The following NLGN1 variants were observed in gnomAD, a reference collection of about 807,000 sequenced individuals.
NLGN1 encodes the protein neuroligin-1.
Under a neutral mutation model 65.5 loss-of-function variants are expected in NLGN1, and 12 were observed. The ratio of observed to expected loss-of-function variants is 0.18; its 90% confidence interval spans 0.12 to 0.30. The LOEUF (loss-of-function observed/expected upper bound fraction) is 0.30. Among genes scored for constraint, NLGN1 ranks in the 10% least tolerant of loss-of-function variants. NLGN1 has a pLI of 1.00. For missense variants in NLGN1, 750 were observed against 1,007.1 expected (o/e 0.74, Z 3.46); for synonymous variants, 350 against 359.5 (o/e 0.97, Z 0.30).
In NLGN1 at chr3:174,046,408, C is replaced by G. The variant is rs573180810; in HGVS notation, c.647-228907C>G. On this transcript the variant is annotated intron_variant, in intron 4 of 6. Transcript: ENST00000457714. ...TTTACTGTATTATTTTGTTTGTTCACTTTTGCCTCTTGTAGCTCTACATTA... is the reference window on the plus strand; with the variant it reads ...TTTACTGTATTATTTTGTTTGTTCAGTTTTGCCTCTTGTAGCTCTACATTA... 8.6e-5 allele frequency among the ~76,000 whole-genome samples: 13 copies of G among 151,402 alleles called. No homozygotes were observed. The South Asian group carries it at 1.2e-3, about 15-fold the overall frequency.
At chr3:174,135,900 A>C (rs558017825) in intron 4 of NLGN1, among the ~76,000 whole-genome samples, 5 of 152,280 alleles carry the variant, frequency 3.3e-5, no homozygotes, top group Non-Finnish European at 7.4e-5. Flanking sequence ...AATGGGAACT[A>C]TTATTACTGT....
intron 3 of NLGN1, among the ~76,000 whole-genome samples, chr3:173,692,893 G>T (rs1765676638): frequency 6.6e-6 from 1 of 152,008 alleles, no homozygotes; most frequent in South Asian, 2.1e-4. Context: ...CCCATTAACA[G>T]GTACTATATA....
chr3:173,400,250 ATATTAT>A (rs1036765731), intron 1 of NLGN1, among the ~76,000 whole-genome samples: 5 of 152,032 alleles, frequency 3.3e-5, no homozygotes, highest in African/African-American at 9.7e-5. Flanking sequence ...TCTAGACTTA[ATATTAT>A]TATTATTATT....
At chr3:173,598,301 T>C (rs901666192) in intron 2 of NLGN1, among the ~76,000 whole-genome samples, 1 of 152,298 alleles carries the variant, frequency 6.6e-6, no homozygotes, top group Non-Finnish European at 1.5e-5. Flanking sequence ...AAGTGCTATA[T>C]GCATCAATAG....
At chr3:173,527,294 C>T (rs1356148177) in intron 2 of NLGN1, among the ~76,000 whole-genome samples, 1 of 152,182 alleles carries the variant, frequency 6.6e-6, no homozygotes, top group Admixed American at 6.5e-5. Context: ...TTTTGATTTG[C>T]ATTTCTCTGA....
intron 2 of NLGN1, among the ~76,000 whole-genome samples, chr3:173,525,356 G>A (rs1735471066): frequency 6.6e-6 from 1 of 151,900 alleles, no homozygotes; most frequent in African/African-American, 2.4e-5. Flanking sequence ...GAGGTTTTAT[G>A]TTTCCAGGAA....
chr3:173,929,880 T>C (rs1183276315), intron 4 of NLGN1, among the ~76,000 whole-genome samples: 3 of 151,970 alleles, frequency 2.0e-5, no homozygotes, highest in African/African-American at 7.2e-5. Flanking sequence ...AATTTTGTGT[T>C]TTTAGTAGAG....
chr3:174,031,505 T>C (rs1317630847), intron 4 of NLGN1, among the ~76,000 whole-genome samples: 1 of 152,188 alleles, frequency 6.6e-6, no homozygotes, highest in African/African-American at 2.4e-5. Flanking sequence ...TTGAAGACTT[T>C]TCAGGAGAAA....
intron 3 of NLGN1, among the ~76,000 whole-genome samples, chr3:173,783,608 T>A (rs1006119407): frequency 3.3e-5 from 5 of 152,234 alleles, no homozygotes; most frequent in African/African-American, 9.6e-5. Context: ...ATAATGTTTT[T>A]CATTCATTTG....
chr3:174,227,220 C>G (rs890536425), intron 4 of NLGN1, among the ~76,000 whole-genome samples: 1 of 152,170 alleles, frequency 6.6e-6, no homozygotes, highest in Middle Eastern at 3.2e-3. Context: ...AATTAAACAT[C>G]TACGGCAACT....
intron 4 of NLGN1, among the ~76,000 whole-genome samples, chr3:174,264,415 C>T (rs1446890822): frequency 4.8e-5 from 7 of 147,222 alleles, no homozygotes; most frequent in East Asian, 2.2e-4. Context: ...CTTCCCTTCT[C>T]GCTTCATTTC....
intron 4 of NLGN1, among the ~76,000 whole-genome samples, chr3:174,125,628 A>G (rs2152657817): frequency 6.6e-6 from 1 of 152,220 alleles, no homozygotes; most frequent in East Asian, 1.9e-4. Context: ...ACTCAAAGAG[A>G]GGTCAAAGTC....
intron 4 of NLGN1, among the ~76,000 whole-genome samples, chr3:174,159,224 A>T (rs1384741231): frequency 1.3e-5 from 2 of 151,716 alleles, no homozygotes; most frequent in Non-Finnish European, 3.0e-5. Context: ...GCCAATTATG[A>T]AATAAGATAT....
At chr3:173,514,729 A>G (rs1733548630) in intron 2 of NLGN1, among the ~76,000 whole-genome samples, 1 of 152,142 alleles carries the variant, frequency 6.6e-6, no homozygotes, top group Non-Finnish European at 1.5e-5. Context: ...TGATAATTTT[A>G]GTACCTCATG....
At chr3:173,619,854 G>A (rs538687455) in intron 3 of NLGN1, among the ~76,000 whole-genome samples, 1 of 152,276 alleles carries the variant, frequency 6.6e-6, no homozygotes, top group South Asian at 2.1e-4. Context: ...GGGAGCTGGA[G>A]AGAAAACACT....
intron 2 of NLGN1, among the ~76,000 whole-genome samples, chr3:173,596,775 C>T (rs539836650): frequency 2.6e-5 from 4 of 152,272 alleles, no homozygotes; most frequent in East Asian, 1.9e-4. Flanking sequence ...ATATTCTCAT[C>T]TCAGAGTAAA....
At chr3:174,272,585 A>G (rs774553442) in intron 4 of NLGN1, among the ~76,000 whole-genome samples, 3 of 151,524 alleles carry the variant, frequency 2.0e-5, no homozygotes, top group Non-Finnish European at 3.0e-5. Context: ...GTTTTTCCTA[A>G]TATAAAACCC....
intron 4 of NLGN1, among the ~76,000 whole-genome samples, chr3:173,931,699 A>G (rs1293893362): frequency 2.0e-5 from 3 of 152,152 alleles, no homozygotes; most frequent in Non-Finnish European, 4.4e-5. Flanking sequence ...TTGCCTGGGT[A>G]GAAGGAAGGA....
At chr3:173,462,484 G>T (rs946998253) in intron 2 of NLGN1, among the ~76,000 whole-genome samples, 2 of 151,976 alleles carry the variant, frequency 1.3e-5, no homozygotes, top group African/African-American at 4.8e-5. Flanking sequence ...TTTAATTCCT[G>T]GACTTAAGGC....
Sources: gnomAD v4.1 joint callset for allele counts (sites outside exome capture counted in the v4.1 genomes callset) on GRCh38, gnomAD v4.1.1 for gene constraint, MANE v1.5 for transcripts, NCBI Gene and HGNC (gene_info 2026-07-23, HGNC 2026-07-21) for gene names.